Variants in ANKRD27 observed in about 807,000 individuals in gnomAD.
The protein encoded by ANKRD27 is ankyrin repeat domain-containing protein 27.
ANKRD27 carries 112 observed loss-of-function variants against 129.7 expected under a neutral mutation model. The observed-to-expected ratio is 0.86, with a 90% CI of 0.74 to 1.01. The LOEUF (loss-of-function observed/expected upper bound fraction) is 1.01. Ranked by LOEUF, ANKRD27 falls within the 50% of genes least tolerant of loss-of-function variation. The pLI is 0.00. For missense variants in ANKRD27, 1,258 were observed against 1,300.5 expected (o/e 0.97, Z 0.50); for synonymous variants, 516 against 511.2 (o/e 1.01, Z -0.13).
At chr19:32,655,335 C>T (rs1473308647) in intron 2 of ANKRD27, 1 of 152,464 alleles carries the variant, frequency 6.6e-6, no homozygotes, top group Non-Finnish European at 1.5e-5. Flanking sequence ...GTCCACCAAA[C>T]AAGGCTGAGG....
In ANKRD27 at chr19:32,639,374, GC is replaced by G. The variant is rs758215650; in HGVS notation, c.1097del (p.Ser366ThrfsTer22). On this transcript the variant is annotated frameshift_variant, in exon 12 of 29. Coordinates refer to ENST00000306065, the MANE Select transcript of ANKRD27 (RefSeq NM_032139.3). LOFTEE classifies it high-confidence loss of function. ...EAAIEYIRQG[S>X]LSAKPPESEG... Reference sequence around the variant, plus strand: ...ATCTTACAGGGGGTTTAGCAGAGAGGCTTCCTTGCCGAATATATTCAATGGC... The same window carrying G: ...ATCTTACAGGGGGTTTAGCAGAGAGGTTCCTTGCCGAATATATTCAATGGC... 2.2e-5 allele frequency: 35 copies of G among 1,614,090 alleles called. No individual in the cohort carries two copies. The highest frequency in any genetic ancestry group is 2.8e-5 in the Non-Finnish European group (33 of 1,180,052).
At chr19:32,668,501 C>G (rs1227910111) in intron 1 of ANKRD27, among the ~76,000 whole-genome samples, 2 of 143,140 alleles carry the variant, frequency 1.4e-5, no homozygotes, top group Non-Finnish European at 1.5e-5. Flanking sequence ...TGAGACGGGT[C>G]TTGCTCTATC....
At chr19:32,662,554 T>C (rs1214668237) in intron 1 of ANKRD27, among the ~76,000 whole-genome samples, 1 of 151,614 alleles carries the variant, frequency 6.6e-6, no homozygotes, top group African/African-American at 2.4e-5. Context: ...CTGGGCAAAA[T>C]AGCAAGACCT....
intron 17 of ANKRD27, among the ~76,000 whole-genome samples, chr19:32,624,049 G>A (rs1490746550): frequency 3.3e-5 from 5 of 152,118 alleles, no homozygotes; most frequent in African/African-American, 7.2e-5. Flanking sequence ...CACAACACAC[G>A]ATAGATCACT....
chr19:32,674,405 G>A (rs1967937601), intron 1 of ANKRD27, among the ~76,000 whole-genome samples: 1 of 152,130 alleles, frequency 6.6e-6, no homozygotes. Context: ...GGCCGCGAGT[G>A]CCCACGTCCC....
In ANKRD27 at chr19:32,618,003, C is replaced by T. The variant is rs557308041; in HGVS notation, c.2008-370G>A. Among the ~76,000 whole-genome samples, 4 of 152,092 alleles carry T rather than the reference C, an allele frequency of 2.6e-5. No individual in the cohort carries two copies. In the South Asian group the frequency reaches 8.3e-4, roughly 32 times the overall value. The stretch of plus-strand genomic sequence containing the variant: ...AAACTCCCGACCTCAGGTGATCCGC[C>T]CACCTCGGCCTCCCAAAGTGCTGGC... On this transcript the variant is annotated intron_variant, in intron 20 of 28. Transcript: ENST00000306065.
chr19:32,606,295 G>A (rs1971735287), intron 23 of ANKRD27, among the ~76,000 whole-genome samples: 1 of 151,950 alleles, frequency 6.6e-6, no homozygotes, highest in Non-Finnish European at 1.5e-5. Context: ...TGGGACTACA[G>A]GCGCCTGCCA....
At chr19:32,667,590 A>G (rs954576355) in intron 1 of ANKRD27, among the ~76,000 whole-genome samples, 1 of 152,178 alleles carries the variant, frequency 6.6e-6, no homozygotes, top group Non-Finnish European at 1.5e-5. Flanking sequence ...CTGTTATTTA[A>G]AACCTCATAA....
intron 16 of ANKRD27, among the ~76,000 whole-genome samples, chr19:32,626,231 GATC>G (rs1476411282): frequency 6.6e-6 from 1 of 152,124 alleles, no homozygotes; most frequent in Non-Finnish European, 1.5e-5. Context: ...GCAGTGGCAC[GATC>G]ATTGCTCACT....
At position 32,631,471 on chromosome 19, in the gene ANKRD27, C is replaced by G. The variant is rs949304083; in HGVS notation, c.1140G>C (p.Arg380Ser). The change falls in exon 13 of 29, where the codon AGG becomes AGC. Residue 380 changes from arginine (R) to serine (S), a missense_variant. Arg to Ser is a moderately radical substitution (Grantham distance 110). Transcript: ENST00000306065. ...AGCTCATTCTCTGCTTAAGGAACAG[C>G]CTGTCTCCAAATCCCTCAGACTCCT... The part of the protein sequence containing the change: ...KPPESEGFGD[R>S]LFLKQRMSLL... 1.2e-6 allele frequency: 2 copies of G among 1,614,138 alleles called. No individual in the cohort carries two copies. Among genetic ancestry groups the G allele is most frequent in the Non-Finnish European group, 1.7e-6 (2 of 1,180,012 alleles).
At position 32,642,030 on chromosome 19, in the gene ANKRD27, G is replaced by C; in HGVS notation, c.898C>G (p.Gln300Glu). The change falls in exon 10 of 29, where the codon CAG (glutamine) becomes GAG (glutamate). Residue 300 changes from glutamine (Q) to glutamate (E), a missense_variant. Coordinates refer to ENST00000306065, the MANE Select transcript of ANKRD27 (RefSeq NM_032139.3). ...CCCCTTTCCAAGCACAAACCTCTCT[G>C]GCTTGGAGACTGTGTAATGAGCTGC... Reference protein sequence around the residue: ...VVQLITQSPSQRVNLETMCAD... With the variant: ...VVQLITQSPSERVNLETMCAD... The C allele has an allele frequency of 1.9e-6, 3 of 1,594,924 alleles. No homozygotes were observed. Among genetic ancestry groups the C allele is most frequent in the Non-Finnish European group, 2.6e-6 (3 of 1,167,786 alleles).
At chr19:32,614,188 G>A (rs1479406193) in intron 22 of ANKRD27, among the ~76,000 whole-genome samples, 1 of 152,062 alleles carries the variant, frequency 6.6e-6, no homozygotes, top group African/African-American at 2.4e-5. Context: ...CTTGATGGTG[G>A]TGATGGCTTC....
chr19:32,633,331 GT>G (rs140018331), intron 12 of ANKRD27, among the ~76,000 whole-genome samples: 1,405 of 122,102 alleles, frequency 0.012, 10 homozygotes, highest in South Asian at 0.021. Context: ...TTTTTTATCT[GT>G]TTTTTTTTTT....
rs752994256 is a variant in ANKRD27, at chr19:32,644,373, G to C, written c.477C>G (p.Phe159Leu). Reference sequence around the variant, plus strand: ...TCTCGCATTCTCGGAATGTTCGATGGAAAGAGGCGATGTTCCTGTCAAATC... The same window carrying C: ...TCTCGCATTCTCGGAATGTTCGATGCAAAGAGGCGATGTTCCTGTCAAATC... The part of the protein sequence containing the change: ...SERFDRNIAS[F>L]HRTFRECERK... Residue 159 changes from phenylalanine to leucine, a missense_variant, in exon 5 of 29, where the codon TTC (phenylalanine) becomes TTG (leucine). Transcript: ENST00000306065. 16 of 1,613,828 alleles carry C rather than the reference G, an allele frequency of 9.9e-6. 1 individual carries two copies. The South Asian group carries it at 1.4e-4, about 14-fold the overall frequency.
At chr19:32,631,217 C>T (rs1378710400) in intron 13 of ANKRD27, among the ~76,000 whole-genome samples, 185 bp downstream of exon 13, 1 of 151,910 alleles carries the variant, frequency 6.6e-6, no homozygotes, top group Non-Finnish European at 1.5e-5. Context: ...GGCTGTTGCA[C>T]CATGTTGGCC....
chr19:32,628,114 C>A lies in ANKRD27; in HGVS notation c.1389G>T (p.Gly463=). 1 of 1,614,188 alleles carries A rather than the reference C, an allele frequency of 6.2e-7. No individual in the cohort carries two copies. The highest frequency in any genetic ancestry group is 8.5e-7 in the Non-Finnish European group (1 of 1,179,996). The part of the protein sequence containing the change: ...VVTPFSRDDR[G]HTPLHVAAVC... The stretch of plus-strand genomic sequence containing the variant: ...CAGCAGCCACATGGAGAGGGGTGTG[C>A]CCCCTGTCGTCTCTGGAGAATGGAG... The change falls in exon 15 of 29, where the codon GGG becomes GGT. Residue 463 remains glycine, a synonymous_variant. Transcript: ENST00000306065.
At chr19:32,636,171 G>A in intron 12 of ANKRD27, 1 of 158,012 alleles carries the variant, frequency 6.3e-6, no homozygotes, top group Non-Finnish European at 1.4e-5. Flanking sequence ...CGGTGGCCTA[G>A]CACATGGAAT....
chr19:32,626,540 CG>C (rs1391673653), intron 16 of ANKRD27, among the ~76,000 whole-genome samples, 171 bp downstream of exon 16: 1 of 149,576 alleles, frequency 6.7e-6, no homozygotes, highest in Non-Finnish European at 1.5e-5. Flanking sequence ...CAGGAGACCC[CG>C]GGAGTCCTTG....
chr19:32,641,847 A>T (rs1229464353), intron 10 of ANKRD27, among the ~76,000 whole-genome samples, 177 bp downstream of exon 10: 1 of 148,484 alleles, frequency 6.7e-6, no homozygotes, highest in Non-Finnish European at 1.5e-5. Context: ...AGCTCACTGC[A>T]ACCTCCAATT....
Sources: allele counts gnomAD v4.1 joint callset (sites outside exome capture counted in the v4.1 genomes callset), GRCh38; gene constraint gnomAD v4.1.1; transcripts MANE v1.5; gene names NCBI Gene and HGNC (gene_info 2026-07-23, HGNC 2026-07-21).